Variants in LIPE observed in about 807,000 individuals in gnomAD.
LIPE encodes the protein hormone-sensitive lipase.
A neutral mutation model predicts 88.5 loss-of-function variants in LIPE; 66 were observed. The observed-to-expected ratio is 0.75, with a 90% CI of 0.61 to 0.91. The LOEUF (loss-of-function observed/expected upper bound fraction) is 0.91, where lower values mean the gene tolerates loss of function less well. LIPE is among the 40% of genes least tolerant of loss of function. The probability of loss-of-function intolerance (pLI) is 0.00; values close to 1 mark genes in which losing one functional copy is unlikely to be tolerated. For synonymous variants in LIPE, 570 were observed against 617.5 expected (o/e 0.92, Z 1.14); for missense variants, 1,346 against 1,434.7 (o/e 0.94, Z 1.00).
chr19:42,426,395 C>G lies in LIPE; in HGVS notation c.755G>C (p.Gly252Ala). The change falls in exon 1 of 10, where the codon GGA (glycine) becomes GCA (alanine). Residue 252 changes from glycine to alanine, a missense_variant. Gly to Ala is a moderately conservative substitution (Grantham distance 60, BLOSUM62 0). Transcript: ENST00000244289. ...SDTDSPATMG[G>A]MVAQGVKLGF... ...TAGCTTCACTCCCTGGGCCACCATT[C>G]CACCCATCGTGGCTGGAGAATCTGT... is the stretch of plus-strand genomic sequence containing the variant. The G allele has an allele frequency of 1.2e-6, 2 of 1,614,074 alleles. No individual in the cohort carries two copies. The highest frequency in any genetic ancestry group is 1.7e-6 in the Non-Finnish European group (2 of 1,180,014).
Position 42,408,143 on chromosome 19 carries a change from A to G in LIPE, c.1511-22T>C. The stretch of plus-strand genomic sequence containing the variant: ...ACACCTAGGGGTCAGAAGGGGTGTC[A>G]GGGAGCCCCAGTGGGTCAGGCTGCT... On this transcript the variant is annotated intron_variant, in intron 3 of 9. Transcript: ENST00000244289. The surrounding 1 kb of genome is among the most constrained non-coding windows in gnomAD (Gnocchi z 4.3). 6.2e-7 allele frequency: 1 copy of G among 1,613,992 alleles called. No homozygotes were observed. The highest frequency in any genetic ancestry group is 8.5e-7 in the Non-Finnish European group (1 of 1,179,950).
chr19:42,413,207 C>T (rs986526606), intron 1 of LIPE, among the ~76,000 whole-genome samples: 1 of 152,350 alleles, frequency 6.6e-6, no homozygotes, highest in Middle Eastern at 3.4e-3. Context: ...TATTTTCTGC[C>T]ATGATATTTA....
chr19:42,406,298 A>G lies in LIPE; in HGVS notation c.2228T>C (p.Val743Ala), dbSNP rs1037735720. ...TGCCATGATGCCATCTGGCACCCGC[A>G]CCCCGTAGGCTGCTGCCCGAAGAGC... ...TVALRAAAYG[V>A]RVPDGIMAAY... The change falls in exon 7 of 10, where the codon GTG becomes GCG. Residue 743 changes from valine (V) to alanine (A), a missense_variant. Coordinates refer to ENST00000244289, the MANE Select transcript of LIPE (RefSeq NM_005357.4). The surrounding 1 kb of genome is among the most constrained non-coding windows in gnomAD (Gnocchi z 5.7). The G allele has an allele frequency of 6.2e-7, 1 of 1,613,690 alleles. No individual in the cohort carries two copies. The highest frequency in any genetic ancestry group is 8.5e-7 in the Non-Finnish European group (1 of 1,179,942).
intron 1 of LIPE, chr19:42,423,271 G>C (rs1270828237): frequency 6.3e-6 from 3 of 475,470 alleles, no homozygotes; most frequent in South Asian, 1.9e-5. Context: ...TCTCACAATG[G>C]ATCATCCCGT....
At chr19:42,413,441 G>A (rs1040376991) in intron 1 of LIPE, among the ~76,000 whole-genome samples, 1 of 152,168 alleles carries the variant, frequency 6.6e-6, no homozygotes, top group African/African-American at 2.4e-5. Context: ...CGAGGCGGGC[G>A]GATCATGAGG....
At chr19:42,405,059 G>T (rs969971508) in intron 8 of LIPE, among the ~76,000 whole-genome samples, 2 of 151,896 alleles carry the variant, frequency 1.3e-5, no homozygotes, top group African/African-American at 2.4e-5. Context: ...GTAGAGAAGG[G>T]GTTTTGCCAT....
intron 1 of LIPE, among the ~76,000 whole-genome samples, chr19:42,422,099 A>G (rs2040608868): frequency 6.6e-6 from 1 of 152,234 alleles, no homozygotes; most frequent in South Asian, 2.1e-4. Flanking sequence ...CTAGAAATAC[A>G]GGGTAAACAA....
chr19:42,407,059 T>G lies in LIPE; in HGVS notation c.2137+115A>C. On this transcript the variant is annotated intron_variant, in intron 6 of 9. Transcript: ENST00000244289. This position sits in a 1 kb window ranked among gnomAD's most constrained non-coding sequence, Gnocchi z 5.8. The stretch of plus-strand genomic sequence containing the variant: ...GGGCAGGACCTGGGTGAGCAGGAGC[T>G]GGGAGGTGTGGGGGGAGAGAAAGGT... 1 of 900,382 alleles carries G rather than the reference T, an allele frequency of 1.1e-6. No homozygotes were observed. Among genetic ancestry groups the G allele is most frequent in the Non-Finnish European group, 1.6e-6 (1 of 613,166 alleles). 55.8% of individuals were successfully genotyped at this position (900,382 alleles called of 1,614,324 possible).
intron 1 of LIPE, chr19:42,411,404 G>T: frequency 1.1e-6 from 1 of 901,040 alleles, no homozygotes; most frequent in Non-Finnish European, 1.3e-6. Flanking sequence ...ACCTCCAGTT[G>T]GTCCCCATTC....
chr19:42,417,215 C>A (rs575003434), intron 1 of LIPE, among the ~76,000 whole-genome samples: 1 of 152,300 alleles, frequency 6.6e-6, no homozygotes, highest in African/African-American at 2.4e-5. Context: ...CCACTGCGCC[C>A]GGCCAATTTC....
At position 42,426,971 on chromosome 19, in the gene LIPE, T is replaced by G. The variant is rs775195772; in HGVS notation, c.179A>C (p.Gln60Pro). 1 of 1,614,082 alleles carries G rather than the reference T, an allele frequency of 6.2e-7. No individual in the cohort carries two copies. The highest frequency in any genetic ancestry group is 8.5e-7 in the Non-Finnish European group (1 of 1,180,014). Residue 60 changes from glutamine to proline, a missense_variant, in exon 1 of 10, where the codon CAG becomes CCG. By Grantham distance (76) the Gln-to-Pro change is moderately conservative. Transcript: ENST00000244289. ...ATCATGTTGTGCAGGGGTCTCCTGC[T>G]GGGTGAGGGGTCTTTGGTTTGAAGC... The part of the protein sequence containing the change: ...KPASNQRPLT[Q>P]QETPAQHDAE...
Position 42,410,633 on chromosome 19 carries a change from C to A in LIPE, c.1093G>T (p.Asp365Tyr). 6.2e-7 allele frequency: 1 copy of A among 1,613,452 alleles called. No individual in the cohort carries two copies. Among genetic ancestry groups the A allele is most frequent in the Non-Finnish European group, 8.5e-7 (1 of 1,179,780 alleles). ...LLGVAHLFDL[D>Y]PETPANGYRS... ...TACCCGTTGGCCGGTGTCTCTGGGT[C>A]CAGGTCAAAGAGGTGCGCCACACCC... Residue 365 changes from aspartate (D) to tyrosine (Y), a missense_variant, in exon 2 of 10, where the codon GAC becomes TAC. Physicochemically the swap from Asp to Tyr is radical, Grantham distance 160. Coordinates refer to ENST00000244289, the MANE Select transcript of LIPE (RefSeq NM_005357.4). This position sits in a 1 kb window ranked among gnomAD's most constrained non-coding sequence, Gnocchi z 6.1.
rs1320134815 is a variant in LIPE, at chr19:42,406,874, A to C, written c.2137+300T>G. 6.6e-6 allele frequency among the ~76,000 whole-genome samples: 1 copy of C among 152,172 alleles called. No individual in the cohort carries two copies. The highest frequency in any genetic ancestry group is 1.5e-5 in the Non-Finnish European group (1 of 68,028). ...GGTCAGAGAAGCTGGACTGTGGGCC[A>C]GGAGGCTGGTAGGACAGGAGAGCAG... On this transcript the variant is annotated intron_variant, in intron 6 of 9. Coordinates refer to ENST00000244289, the MANE Select transcript of LIPE (RefSeq NM_005357.4). This position sits in a 1 kb window ranked among gnomAD's most constrained non-coding sequence, Gnocchi z 5.7.
Position 42,408,422 on chromosome 19 carries a change from G to A in LIPE, c.1420-100C>T, listed in dbSNP as rs2147611163. The A allele has an allele frequency of 5.2e-6, 5 of 963,366 alleles. No individual in the cohort carries two copies. Among genetic ancestry groups the A allele is most frequent in the Middle Eastern group, 5.4e-4 (2 of 3,682 alleles). 59.7% of individuals were successfully genotyped at this position (963,366 alleles called of 1,614,324 possible). On this transcript the variant is annotated intron_variant, in intron 2 of 9. Coordinates refer to ENST00000244289, the MANE Select transcript of LIPE (RefSeq NM_005357.4). This position sits in a 1 kb window ranked among gnomAD's most constrained non-coding sequence, Gnocchi z 4.3. ...TGTGCGGGGAAGACACATTCATTCA[G>A]TAAACGTTTCATGAGCTCCTACTGT...
Position 42,407,923 on chromosome 19 carries a change from G to A in LIPE, c.1656+53C>T. On this transcript the variant is annotated intron_variant, in intron 4 of 9. Transcript: ENST00000244289. The surrounding 1 kb of genome is among the most constrained non-coding windows in gnomAD (Gnocchi z 5.8). ...CTGGAGCCCCACAGAGACCTACTGTGGCCTCAGATGAGTCTCTGGGCCTCA... is the reference window on the plus strand; with the variant it reads ...CTGGAGCCCCACAGAGACCTACTGTAGCCTCAGATGAGTCTCTGGGCCTCA... The A allele has an allele frequency of 3.8e-6, 6 of 1,591,054 alleles. No homozygotes were observed. Among genetic ancestry groups the A allele is most frequent in the African/African-American group, 2.7e-5 (2 of 74,452 alleles).
Position 42,410,496 on chromosome 19 carries a change from G to C in LIPE, c.1230C>G (p.Ala410=). Reference sequence around the variant, plus strand: ...GGGCAGCCAGGTAGGCCTCCAGCTCGGCCAGGTTGTGGCTGGTGCGGAAGA... The same window carrying C: ...GGGCAGCCAGGTAGGCCTCCAGCTCCGCCAGGTTGTGGCTGGTGCGGAAGA... The part of the protein sequence containing the change: ...SIFFRTSHNL[A]ELEAYLAALT... Residue 410 remains alanine (A), a synonymous_variant, in exon 2 of 10, where the codon GCC becomes GCG. Coordinates refer to ENST00000244289, the MANE Select transcript of LIPE (RefSeq NM_005357.4). This position sits in a 1 kb window ranked among gnomAD's most constrained non-coding sequence, Gnocchi z 6.1. The C allele has an allele frequency of 2.5e-6, 4 of 1,613,820 alleles. No individual in the cohort carries two copies. The highest frequency in any genetic ancestry group is 3.4e-6 in the Non-Finnish European group (4 of 1,180,016).
rs1376445069 is a variant in LIPE, at chr19:42,402,606, C to T, written c.2967+1G>A. The T allele has an allele frequency of 6.7e-6, 10 of 1,481,688 alleles. No individual in the cohort carries two copies. The highest frequency in any genetic ancestry group is 1.4e-5 in the African/African-American group (1 of 70,832). 91.8% of individuals were successfully genotyped at this position (1,481,688 alleles called of 1,614,324 possible). ...CTGTACCGGCCCCCTCTGTCGCTCA[C>T]CACGATGTGCACAGGTGGCAGGCTC... On this transcript the variant is annotated splice_donor_variant, in intron 9 of 9. Coordinates refer to ENST00000244289, the MANE Select transcript of LIPE (RefSeq NM_005357.4). LOFTEE classifies it high-confidence loss of function.
chr19:42,411,184 G>T, intron 1 of LIPE: 2 of 421,420 alleles, frequency 4.7e-6, no homozygotes, highest in Non-Finnish European at 6.4e-6. Context: ...TCACCTCTTT[G>T]GGACTCAGAA....
At chr19:42,403,266 TGTGTGTGTG>T (rs2040054238) in intron 8 of LIPE, among the ~76,000 whole-genome samples, 12 of 143,984 alleles carry the variant, frequency 8.3e-5, no homozygotes, top group Admixed American at 7.1e-4. Context: ...TGTGTGTGTG[TGTGTGTGTG>T]TGTGTGTGTG....
Sources: allele counts gnomAD v4.1 joint callset (sites outside exome capture counted in the v4.1 genomes callset), GRCh38; gene constraint gnomAD v4.1.1; non-coding constraint Gnocchi (gnomAD v3.1); transcripts MANE v1.5; gene names NCBI Gene and HGNC (gene_info 2026-07-23, HGNC 2026-07-21).